Variants in DUSP16 observed in about 807,000 individuals in gnomAD.
The protein encoded by DUSP16 is dual specificity phosphatase 16.
A neutral mutation model predicts 58.3 loss-of-function variants in DUSP16; 21 were observed. That is an observed-to-expected ratio of 0.36 (90% CI 0.26 to 0.52). The LOEUF (loss-of-function observed/expected upper bound fraction) is 0.52, where lower values mean the gene tolerates loss of function less well. Among genes scored for constraint, DUSP16 ranks in the 20% least tolerant of loss-of-function variants. DUSP16 has a pLI of 0.94. For synonymous variants in DUSP16, 320 were observed against 323.8 expected (o/e 0.99, Z 0.12); for missense variants, 726 against 819.0 (o/e 0.89, Z 1.39).
chr12:12,528,780 C>G (rs1944340884), intron 1 of DUSP16, among the ~76,000 whole-genome samples: 1 of 152,070 alleles, frequency 6.6e-6, no homozygotes, highest in African/African-American at 2.4e-5. Flanking sequence ...ACACGATCAA[C>G]AACAAAAACA....
At chr12:12,540,440 T>G (rs1944535138) in intron 1 of DUSP16, among the ~76,000 whole-genome samples, 1 of 152,202 alleles carries the variant, frequency 6.6e-6, no homozygotes, top group South Asian at 2.1e-4. Flanking sequence ...GGTTAGAAAA[T>G]GCTCATTCAG....
intron 1 of DUSP16, among the ~76,000 whole-genome samples, chr12:12,560,613 T>C (rs1944883992): frequency 6.6e-6 from 1 of 152,200 alleles, no homozygotes; most frequent in South Asian, 2.1e-4. Flanking sequence ...ACATTCTGCT[T>C]TTCATTTTAC....
Position 12,524,536 on chromosome 12 carries a change from T to C in DUSP16, c.-365-3073A>G, listed in dbSNP as rs73293615. On this transcript the variant is annotated intron_variant, in intron 1 of 6. Coordinates refer to ENST00000298573, the MANE Select transcript of DUSP16 (RefSeq NM_030640.3). Reference sequence around the variant, plus strand: ...GAGTCTAATTTTAAAAATTTCTCTGTAGTTACTGTTTTGTTTTCAAAATCC... The same window carrying C: ...GAGTCTAATTTTAAAAATTTCTCTGCAGTTACTGTTTTGTTTTCAAAATCC... Among the ~76,000 whole-genome samples the C allele has an allele frequency of 5.3e-3, 812 of 152,360 alleles. 12 individuals carry two copies. The highest frequency in any genetic ancestry group is 0.018 in the African/African-American group (764 of 41,580).
rs767885144 is a variant in DUSP16, at chr12:12,477,709, G to A, written c.1122C>T (p.Ser374=). Residue 374 remains serine (S), a synonymous_variant, in exon 7 of 7, where the codon AGC becomes AGT. Coordinates refer to ENST00000298573, the MANE Select transcript of DUSP16 (RefSeq NM_030640.3). This position sits in a 1 kb window ranked among gnomAD's most constrained non-coding sequence, Gnocchi z 4.1. ...GCCCACTGAGCGCCTGTACCAGCGGGCTGTCCTCTAACAGCGACGGCTGCA... is the reference window on the plus strand; with the variant it reads ...GCCCACTGAGCGCCTGTACCAGCGGACTGTCCTCTAACAGCGACGGCTGCA... ...PSVQPSLLED[S]PLVQALSGLH... 14 of 1,612,856 alleles carry A rather than the reference G, an allele frequency of 8.7e-6. No individual in the cohort carries two copies. The Admixed American group carries it at 2.0e-4, about 23-fold the overall frequency.
intron 1 of DUSP16, among the ~76,000 whole-genome samples, chr12:12,525,559 C>T (rs1017473000): frequency 1.1e-4 from 17 of 151,900 alleles, no homozygotes; most frequent in South Asian, 2.1e-4. Flanking sequence ...CCACTGCATC[C>T]GGCGAAATTC....
chr12:12,493,394 T>C (rs1358737634), intron 4 of DUSP16, among the ~76,000 whole-genome samples: 1 of 152,210 alleles, frequency 6.6e-6, no homozygotes, highest in Non-Finnish European at 1.5e-5. Flanking sequence ...CCGGCCTTCC[T>C]GCTTCCATCC....
At chr12:12,528,958 G>T (rs1476652580) in intron 1 of DUSP16, among the ~76,000 whole-genome samples, 1 of 152,136 alleles carries the variant, frequency 6.6e-6, no homozygotes, top group Non-Finnish European at 1.5e-5. Context: ...GTGGATACCT[G>T]GAAGATTGTA....
At chr12:12,508,708 A>G (rs2136220916) in intron 3 of DUSP16, among the ~76,000 whole-genome samples, 2 of 152,230 alleles carry the variant, frequency 1.3e-5, no homozygotes, top group South Asian at 2.1e-4. Flanking sequence ...CATAAATGAC[A>G]CCTCCAAAAG....
chr12:12,547,438 ACAAACAAAC>A (rs1396711121), intron 1 of DUSP16, among the ~76,000 whole-genome samples: 8 of 142,936 alleles, frequency 5.6e-5, no homozygotes, highest in African/African-American at 1.9e-4. Flanking sequence ...AACAAACAAA[ACAAACAAAC>A]AAAAAAAAGC....
chr12:12,478,762 C>T (rs117414157), intron 6 of DUSP16, among the ~76,000 whole-genome samples: 3,425 of 152,314 alleles, frequency 0.022, 72 homozygotes, highest in Non-Finnish European at 0.035. Context: ...CTTAAAGTCA[C>T]CAGTCACTTC....
chr12:12,532,013 C>CCGGGCGCGGTGG (rs1944394439), intron 1 of DUSP16, among the ~76,000 whole-genome samples: 1 of 151,942 alleles, frequency 6.6e-6, no homozygotes, highest in Non-Finnish European at 1.5e-5. Flanking sequence ...AGAAAATTAG[C>CCGGGCGCGGTGG]CGGGCGCGGT....
At chr12:12,556,168 T>C (rs998391479) in intron 1 of DUSP16, among the ~76,000 whole-genome samples, 7 of 152,234 alleles carry the variant, frequency 4.6e-5, no homozygotes, top group Non-Finnish European at 1.0e-4. Context: ...TAGATGAAAA[T>C]TGGTTAGGTG....
At chr12:12,559,580 A>C (rs974306493) in intron 1 of DUSP16, among the ~76,000 whole-genome samples, 1 of 152,184 alleles carries the variant, frequency 6.6e-6, no homozygotes, top group African/African-American at 2.4e-5. Context: ...TGTCTAGGAA[A>C]ACTTGGGAGT....
chr12:12,490,324 C>G (rs967539067), intron 4 of DUSP16, among the ~76,000 whole-genome samples: 1 of 151,990 alleles, frequency 6.6e-6, no homozygotes, highest in East Asian at 1.9e-4. Context: ...AATCTACTAT[C>G]CAGATGCTAC....
intron 4 of DUSP16, among the ~76,000 whole-genome samples, chr12:12,488,591 A>G (rs1943717147): frequency 6.6e-6 from 1 of 152,152 alleles, no homozygotes; most frequent in African/African-American, 2.4e-5. Flanking sequence ...CCAAGCCTGG[A>G]ATAATTATCT....
At chr12:12,526,949 G>T (rs530994788) in intron 1 of DUSP16, among the ~76,000 whole-genome samples, 1 of 152,126 alleles carries the variant, frequency 6.6e-6, no homozygotes, top group Non-Finnish European at 1.5e-5. Flanking sequence ...AGGAGGAAGC[G>T]GGGGGTCCCA....
chr12:12,524,385 T>G (rs1220834254), intron 1 of DUSP16, among the ~76,000 whole-genome samples: 1 of 152,168 alleles, frequency 6.6e-6, no homozygotes, highest in African/African-American at 2.4e-5. Context: ...TAATTCTCTG[T>G]AGTGCTAAAT....
intron 4 of DUSP16, among the ~76,000 whole-genome samples, chr12:12,490,415 A>C (rs1329131042): frequency 1.6e-5 from 2 of 123,682 alleles, no homozygotes; most frequent in East Asian, 5.2e-4. Context: ...AACCAAAAAC[A>C]AAAAAAAACC....
chr12:12,534,552 T>C (rs1379614793), intron 1 of DUSP16, among the ~76,000 whole-genome samples: 1 of 152,258 alleles, frequency 6.6e-6, no homozygotes, highest in Non-Finnish European at 1.5e-5. Flanking sequence ...GACCCTTCTT[T>C]TGTCCTTAGA....
Sources: allele counts gnomAD v4.1 joint callset (sites outside exome capture counted in the v4.1 genomes callset), GRCh38; gene constraint gnomAD v4.1.1; non-coding constraint Gnocchi (gnomAD v3.1); transcripts MANE v1.5; gene names NCBI Gene and HGNC (gene_info 2026-07-23, HGNC 2026-07-21).